The following EPB41L3 variants were observed in gnomAD, a reference collection of about 807,000 sequenced individuals.
EPB41L3 encodes the protein band 4.1-like protein 3.
Under a neutral mutation model 127.1 loss-of-function variants are expected in EPB41L3, and 57 were observed. That is an observed-to-expected ratio of 0.45 (90% CI 0.36 to 0.56). The LOEUF (loss-of-function observed/expected upper bound fraction) is 0.56. Among genes scored for constraint, EPB41L3 ranks in the 20% least tolerant of loss-of-function variants. The pLI, the probability that EPB41L3 is intolerant of heterozygous loss-of-function variation, is 0.00. For missense variants in EPB41L3, 1,273 were observed against 1,372.2 expected, an observed-to-expected ratio of 0.93 and a Z score of 1.14; for synonymous variants, 572 against 549.5, an observed-to-expected ratio of 1.04 and a Z score of -0.57.
chr18:5,495,137 A>G (rs530960733), intron 1 of EPB41L3, among the ~76,000 whole-genome samples: 18 of 152,328 alleles, frequency 1.2e-4, no homozygotes, highest in African/African-American at 4.1e-4. Context: ...TGCAGGGACA[A>G]TTCTGATGGT....
chr18:5,436,464 A>G (rs2079836333), intron 6 of EPB41L3, among the ~76,000 whole-genome samples: 1 of 132,644 alleles, frequency 7.5e-6, no homozygotes, highest in South Asian at 2.4e-4. Context: ...GCTGGAGTGC[A>G]GTGGCGCGAT....
In EPB41L3 at chr18:5,397,032, T is replaced by C. The variant is rs2143764961; in HGVS notation, c.2841+26A>G. On this transcript the variant is annotated intron_variant, in intron 18 of 22. Transcript: ENST00000341928. The surrounding 1 kb of genome is among the most constrained non-coding windows in gnomAD (Gnocchi z 4.1). ...TCCTATATCAGTTTTATTTTAGTGA[T>C]AAAAGTAACATTTACTACTAGTTAC... The C allele has an allele frequency of 1.9e-6, 3 of 1,549,794 alleles. No individual in the cohort carries two copies. In the East Asian group the frequency reaches 6.7e-5, roughly 35 times the overall value.
intron 3 of EPB41L3, among the ~76,000 whole-genome samples, chr18:5,562,726 C>A (rs568663251): frequency 9.2e-5 from 14 of 152,266 alleles, no homozygotes; most frequent in Non-Finnish European, 1.8e-4. Flanking sequence ...ATGTGACAGC[C>A]ACTAGCTCAG....
chr18:5,608,219 GCAC>G (rs550003186), intron 3 of EPB41L3, among the ~76,000 whole-genome samples: 4 of 152,260 alleles, frequency 2.6e-5, no homozygotes, highest in African/African-American at 9.6e-5. Context: ...GCGACTCTGT[GCAC>G]CCCAGAAAGT....
Position 5,578,101 on chromosome 18 carries a change from G to GT in EPB41L3, c.-306+34238dup, listed in dbSNP as rs1251648920. Reference sequence around the variant, plus strand: ...CAGTCCACTGATAGGAGGCTCCAGGGTTGGGGGGGTGGCGGGGTGGGACAG... The same window carrying GT: ...CAGTCCACTGATAGGAGGCTCCAGGGTTTGGGGGGGTGGCGGGGTGGGACAG... On this transcript the variant is annotated intron_variant, in intron 3 of 21. Transcript: ENST00000545076. Among the ~76,000 whole-genome samples, 5 of 151,550 alleles carry GT rather than the reference G, an allele frequency of 3.3e-5. No homozygotes were observed. In the East Asian group the frequency reaches 9.8e-4, roughly 30 times the overall value.
intron 13 of EPB41L3, among the ~76,000 whole-genome samples, chr18:5,411,457 G>C (rs1259117887): frequency 6.6e-6 from 1 of 152,154 alleles, no homozygotes. Context: ...GCATTTGACA[G>C]AGCCTAGGTT....
chr18:5,473,726 T>C (rs4798363), intron 3 of EPB41L3, among the ~76,000 whole-genome samples: 105,095 of 151,914 alleles, frequency 0.69, 36,539 homozygotes, highest in East Asian at 0.8. Flanking sequence ...GTTTGAGAAA[T>C]AAGCATCAAC....
chr18:5,621,799 G>A (rs763822580), intron 1 of EPB41L3, among the ~76,000 whole-genome samples: 2 of 152,142 alleles, frequency 1.3e-5, no homozygotes, highest in African/African-American at 2.4e-5. Flanking sequence ...AAGTGTAACA[G>A]TTTTTCCTAA....
intron 14 of EPB41L3, among the ~76,000 whole-genome samples, chr18:5,408,287 T>C (rs1476116214): frequency 1.3e-5 from 2 of 150,822 alleles, no homozygotes; most frequent in Non-Finnish European, 2.9e-5. Flanking sequence ...TTTTTTTTTT[T>C]TTTTGAGACA....
chr18:5,422,617 A>G (rs1330112552), intron 11 of EPB41L3, among the ~76,000 whole-genome samples: 1 of 152,238 alleles, frequency 6.6e-6, no homozygotes, highest in African/African-American at 2.4e-5. Context: ...GACATGATTC[A>G]GTTCCAGAGT....
At chr18:5,529,930 G>A (rs545626624) in intron 1 of EPB41L3, among the ~76,000 whole-genome samples, 17 of 38,970 alleles carry the variant, frequency 4.4e-4, no homozygotes, top group Admixed American at 1.2e-3. Context: ...ACTCATATAT[G>A]TGTGTGTGTG....
chr18:5,536,101 G>C (rs1390194482), intron 1 of EPB41L3, among the ~76,000 whole-genome samples: 1 of 152,074 alleles, frequency 6.6e-6, no homozygotes, highest in Non-Finnish European at 1.5e-5. Context: ...TGCTGGATGA[G>C]CTCGCCCCTC....
At chr18:5,553,110 A>C (rs371360050) in intron 3 of EPB41L3, among the ~76,000 whole-genome samples, 2 of 152,222 alleles carry the variant, frequency 1.3e-5, no homozygotes, top group Non-Finnish European at 2.9e-5. Context: ...GAACAGAAAA[A>C]GTCTTCCAAA....
At position 5,423,400 on chromosome 18, in the gene EPB41L3, G is replaced by T; in HGVS notation, c.1317C>A (p.Thr439=). 5 of 1,611,090 alleles carry T rather than the reference G, an allele frequency of 3.1e-6. No individual in the cohort carries two copies. The highest frequency in any genetic ancestry group is 4.2e-6 in the Non-Finnish European group (5 of 1,177,774). ...TACCTCCATCCAAGCTGCGAGACATGGTATAACGTTTGCTGGATGAGCGTT... is the reference window on the plus strand; with the variant it reads ...TACCTCCATCCAAGCTGCGAGACATTGTATAACGTTTGCTGGATGAGCGTT... ...YFERSSSKRY[T]MSRSLDGEVG... Residue 439 remains threonine, a synonymous_variant, in exon 11 of 23, where the codon ACC becomes ACA. Transcript: ENST00000341928.
chr18:5,400,561 G>C (rs1245317350), intron 16 of EPB41L3: 1 of 458,142 alleles, frequency 2.2e-6, no homozygotes, highest in Non-Finnish European at 4.4e-6. Flanking sequence ...AGAGTCAGCA[G>C]AGTCTCCTTC....
chr18:5,409,462 G>T (rs1310271014), intron 14 of EPB41L3, among the ~76,000 whole-genome samples: 2 of 152,066 alleles, frequency 1.3e-5, no homozygotes, highest in African/African-American at 4.8e-5. Context: ...ACTTGTAATA[G>T]ATTTATATAT....
chr18:5,482,653 A>G (rs1896519684), intron 2 of EPB41L3, among the ~76,000 whole-genome samples: 1 of 152,222 alleles, frequency 6.6e-6, no homozygotes, highest in Non-Finnish European at 1.5e-5. Flanking sequence ...TTGCCTGGTA[A>G]CAGAATTCTC....
intron 1 of EPB41L3, among the ~76,000 whole-genome samples, chr18:5,498,263 G>A (rs1314981206): frequency 1.3e-5 from 2 of 152,178 alleles, no homozygotes; most frequent in Non-Finnish European, 2.9e-5. Context: ...TGATAGCTGT[G>A]CTTATAGCAG....
chr18:5,398,078 C>G lies in EPB41L3; in HGVS notation c.2415G>C (p.Ala805=). 6.2e-7 allele frequency: 1 copy of G among 1,614,076 alleles called. No individual in the cohort carries two copies. The highest frequency in any genetic ancestry group is 8.5e-7 in the Non-Finnish European group (1 of 1,180,008). Residue 805 remains alanine (A), a synonymous_variant, in exon 17 of 23, where the codon GCG becomes GCC. Transcript: ENST00000341928. ...GSEIFSLLES[A]RKPTEFIGGV... ...CTCCTATGAATTCTGTTGGTTTTCG[C>G]GCAGACTCTAATAAACTGAAGATTT...
Sources: allele counts gnomAD v4.1 joint callset (sites outside exome capture counted in the v4.1 genomes callset), GRCh38; gene constraint gnomAD v4.1.1; non-coding constraint Gnocchi (gnomAD v3.1); transcripts MANE v1.5; gene names NCBI Gene and HGNC (gene_info 2026-07-23, HGNC 2026-07-21).